The following BAZ1B variants were observed in gnomAD, a reference collection of about 807,000 sequenced individuals.
BAZ1B encodes bromodomain adjacent to zinc finger domain 1B, also known as tyrosine-protein kinase BAZ1B.
BAZ1B carries 22 observed loss-of-function variants against 153.8 expected under a neutral mutation model. The ratio of observed to expected loss-of-function variants is 0.14; its 90% CI spans 0.10 to 0.20. The LOEUF (loss-of-function observed/expected upper bound fraction) is 0.20. BAZ1B is among the 10% of genes least tolerant of loss of function. BAZ1B has a pLI of 1.00. For missense variants in BAZ1B, 1,325 were observed against 1,799.3 expected, an observed-to-expected ratio of 0.74 and a Z score of 4.77; for synonymous variants, 676 against 633.4, an observed-to-expected ratio of 1.07 and a Z score of -1.01.
intron 6 of BAZ1B, among the ~76,000 whole-genome samples, chr7:73,479,528 G>C (rs188616142): frequency 6.2e-5 from 8 of 129,390 alleles, no homozygotes; most frequent in African/African-American, 1.8e-4. Flanking sequence ...AAAAAAAAAA[G>C]AACTCATTCC....
intron 1 of BAZ1B, 131 bp downstream of exon 1, chr7:73,521,696 C>A: frequency 1.5e-6 from 1 of 653,198 alleles, no homozygotes. Context: ...AGCCTCCAGG[C>A]CCGCGAGCGG....
intron 4 of BAZ1B, among the ~76,000 whole-genome samples, chr7:73,494,964 A>G (rs542753665): frequency 1.3e-5 from 2 of 152,358 alleles, no homozygotes; most frequent in South Asian, 4.1e-4. Flanking sequence ...AAGTCAATTC[A>G]GCTTTACACA....
At chr7:73,447,129 T>A in intron 16 of BAZ1B, 135 bp downstream of exon 16, 1 of 1,515,044 alleles carries the variant, frequency 6.6e-7, no homozygotes, top group Non-Finnish European at 9.0e-7. Context: ...GGCAGCTAAG[T>A]TACGCCACAG....
chr7:73,459,516 A>C lies in BAZ1B; in HGVS notation c.3432+20T>G. 6.2e-7 allele frequency: 1 copy of C among 1,605,990 alleles called. No individual in the cohort carries two copies. Among genetic ancestry groups the C allele is most frequent in the Non-Finnish European group, 8.5e-7 (1 of 1,177,110 alleles). On this transcript the variant is annotated intron_variant, in intron 13 of 19. Transcript: ENST00000339594. ...ACTCATCTACGGAATCATAAACTAC[A>C]ACTTATAACAACAAAATACCTTTGC...
intron 13 of BAZ1B, among the ~76,000 whole-genome samples, chr7:73,458,728 A>T (rs1416663065): frequency 6.6e-6 from 1 of 151,704 alleles, no homozygotes; most frequent in Middle Eastern, 3.4e-3. Context: ...ACCAAAATTT[A>T]AAAAATATCT....
In BAZ1B at chr7:73,450,356, CT is replaced by C. The variant is rs1787991203; in HGVS notation, c.3580+490del. 6.6e-6 allele frequency among the ~76,000 whole-genome samples: 1 copy of C among 152,266 alleles called. No individual in the cohort carries two copies. Among genetic ancestry groups the C allele is most frequent in the South Asian group, 2.1e-4 (1 of 4,824 alleles). On this transcript the variant is annotated intron_variant, in intron 14 of 19. Transcript: ENST00000339594. The surrounding 1 kb of genome is among the most constrained non-coding windows in gnomAD (Gnocchi z 4.1). ...AGCAACTGAATGATTTTACGTAGAT[CT>C]TTTCATCTCTAACCTAACTCAGAAA... is the stretch of plus-strand genomic sequence containing the variant.
intron 2 of BAZ1B, among the ~76,000 whole-genome samples, chr7:73,509,237 A>G (rs1790476303): frequency 6.6e-6 from 1 of 150,830 alleles, no homozygotes; most frequent in Admixed American, 6.6e-5. Flanking sequence ...CAGGAGAATC[A>G]CTTGAACACG....
At chr7:73,491,631 T>C (rs947806831) in intron 5 of BAZ1B, among the ~76,000 whole-genome samples, 1 of 151,912 alleles carries the variant, frequency 6.6e-6, no homozygotes, top group East Asian at 1.9e-4. Context: ...AAAAAAATCC[T>C]AACAACCCAG....
intron 13 of BAZ1B, among the ~76,000 whole-genome samples, chr7:73,452,898 C>T (rs1021021368): frequency 6.6e-6 from 1 of 152,098 alleles, no homozygotes; most frequent in Admixed American, 6.6e-5. Flanking sequence ...TCCGGACAAA[C>T]GCCACCAAAG....
rs967067677 is a variant in BAZ1B at position 73,459,034 on chromosome 7, G to T, written c.3432+502C>A. ...GAGGCCGAAGCGGGTAGATCACAAG[G>T]TCAAGAGATCGAGACCACTCTGGCC... On this transcript the variant is annotated intron_variant, in intron 13 of 19. Coordinates refer to ENST00000339594, the MANE Select transcript of BAZ1B (RefSeq NM_032408.4). Among the ~76,000 whole-genome samples, 3 of 152,036 alleles carry T rather than the reference G, an allele frequency of 2.0e-5. No homozygotes were observed. The East Asian group carries it at 5.8e-4, about 29-fold the overall frequency.
At chr7:73,463,285 C>CA (rs1423801648) in intron 11 of BAZ1B, among the ~76,000 whole-genome samples, 186 bp from the exon 12 acceptor site, 1 of 141,640 alleles carries the variant, frequency 7.1e-6, no homozygotes, top group Non-Finnish European at 1.5e-5. Context: ...TGCTCTGTCA[C>CA]ACAGGCTGGA....
intron 3 of BAZ1B, among the ~76,000 whole-genome samples, chr7:73,505,153 C>T (rs1384145348): frequency 4.6e-5 from 7 of 152,148 alleles, no homozygotes; most frequent in Non-Finnish European, 1.0e-4. Context: ...AAGCCAAGGT[C>T]TAGCCAATAA....
intron 3 of BAZ1B, among the ~76,000 whole-genome samples, chr7:73,507,010 C>G (rs1399908905): frequency 6.7e-6 from 1 of 148,208 alleles, no homozygotes; most frequent in Non-Finnish European, 1.5e-5. Context: ...TCCCGAGTAG[C>G]TGGGACTACA....
intron 11 of BAZ1B, among the ~76,000 whole-genome samples, chr7:73,463,817 C>G (rs1394260793): frequency 6.6e-6 from 1 of 152,066 alleles, no homozygotes; most frequent in African/African-American, 2.4e-5. Context: ...AAGCAATTCT[C>G]CTGCCTCAGC....
chr7:73,472,158 G>A (rs1280406340), intron 7 of BAZ1B, among the ~76,000 whole-genome samples: 2 of 152,020 alleles, frequency 1.3e-5, no homozygotes, highest in African/African-American at 4.8e-5. Context: ...ACACAGTGGA[G>A]CAGTCCAAAA....
rs1175189600 is a variant in BAZ1B, at chr7:73,446,546, CAA to C, written c.3844+716_3844+717del. 6.6e-3 allele frequency among the ~76,000 whole-genome samples: 274 copies of C among 41,496 alleles called. 1 individual carries two copies. Among genetic ancestry groups the C allele is most frequent in the African/African-American group, 0.02 (249 of 12,178 alleles). The allele number at this position is 41,496 out of a possible 152,430, so 27.2% of individuals were successfully genotyped here. On this transcript the variant is annotated intron_variant, in intron 16 of 19. Coordinates refer to ENST00000339594, the MANE Select transcript of BAZ1B (RefSeq NM_032408.4). ...AGCCCAGGCGACAGTGAGACCATCTCAAAAAAAAAAAAAAAAAAAAAAAAGTG... is the reference window on the plus strand; with the variant it reads ...AGCCCAGGCGACAGTGAGACCATCTCAAAAAAAAAAAAAAAAAAAAAAGTG...
chr7:73,506,220 C>T (rs569093821), intron 3 of BAZ1B, among the ~76,000 whole-genome samples: 10 of 152,174 alleles, frequency 6.6e-5, no homozygotes, highest in African/African-American at 1.7e-4. Context: ...CAAATAAGGC[C>T]GGGCGCACTG....
intron 15 of BAZ1B, among the ~76,000 whole-genome samples, chr7:73,448,334 A>C (rs1197384376): frequency 6.6e-6 from 1 of 152,202 alleles, no homozygotes; most frequent in Non-Finnish European, 1.5e-5. Flanking sequence ...GAGTACCTAT[A>C]AGCTGCACAT....
intron 7 of BAZ1B, among the ~76,000 whole-genome samples, chr7:73,474,317 A>G (rs1160430640): frequency 5.9e-5 from 9 of 152,352 alleles, no homozygotes; most frequent in Admixed American, 1.3e-4. Context: ...AGGCAAAACT[A>G]TTAAGACATT....
Sources: allele counts gnomAD v4.1 joint callset (sites outside exome capture counted in the v4.1 genomes callset), GRCh38; gene constraint gnomAD v4.1.1; non-coding constraint Gnocchi (gnomAD v3.1); transcripts MANE v1.5; gene names NCBI Gene and HGNC (gene_info 2026-07-23, HGNC 2026-07-21).